The following TMEM132D variants were observed in gnomAD, a reference collection of about 807,000 sequenced individuals.
The protein encoded by TMEM132D is transmembrane protein 132D.
In TMEM132D, 21 loss-of-function variants were observed where a neutral mutation model predicts 62.3. That is an observed-to-expected ratio of 0.34 (90% CI 0.24 to 0.49). TMEM132D has a LOEUF of 0.49. Ranked by LOEUF, TMEM132D falls within the 20% of genes least tolerant of loss-of-function variation. The probability of loss-of-function intolerance (pLI) is 0.99; values close to 1 mark genes in which losing one functional copy is unlikely to be tolerated. For missense variants in TMEM132D, 1,346 were observed against 1,402.8 expected (o/e 0.96, Z 0.65); for synonymous variants, 621 against 575.6 (o/e 1.08, Z -1.13).
At chr12:129,703,893 A>G (rs1025002207) in intron 1 of TMEM132D, among the ~76,000 whole-genome samples, 5 of 151,220 alleles carry the variant, frequency 3.3e-5, no homozygotes, top group African/African-American at 1.2e-4. Context: ...TGTGGACTCA[A>G]AAGCAATAAC....
intron 2 of TMEM132D, among the ~76,000 whole-genome samples, chr12:129,636,737 T>TGTGTGTGTGTGTGTGAGAGA (rs375868329): frequency 0.018 from 2,060 of 113,324 alleles, 43 homozygotes; most frequent in East Asian, 0.037. Context: ...TGTGTGTGTG[T>TGTGTGTGTGTGTGTGAGAGA]GAGAGAGAGA....
intron 1 of TMEM132D, among the ~76,000 whole-genome samples, chr12:129,759,487 T>C (rs1247663303): frequency 6.6e-6 from 1 of 152,168 alleles, no homozygotes; most frequent in Non-Finnish European, 1.5e-5. Flanking sequence ...ATCAGGCACT[T>C]AGTCACCATG....
intron 2 of TMEM132D, among the ~76,000 whole-genome samples, chr12:129,666,744 T>G (rs1880387867): frequency 6.6e-6 from 1 of 152,178 alleles, no homozygotes. Flanking sequence ...ACTTATCAGG[T>G]TTTTCACTAA....
Position 129,903,418 on chromosome 12 carries a change from C to T in TMEM132D, c.-79G>A. 6.9e-7 allele frequency: 1 copy of T among 1,458,432 alleles called. No individual in the cohort carries two copies. The highest frequency in any genetic ancestry group is 2.5e-5 in the East Asian group (1 of 40,110). 90.3% of individuals were successfully genotyped at this position (1,458,432 alleles called of 1,614,324 possible). On this transcript the variant is annotated 5_prime_UTR_variant, in exon 1 of 9. Coordinates refer to ENST00000422113, the MANE Select transcript of TMEM132D (RefSeq NM_133448.3). This position sits in a 1 kb window ranked among gnomAD's most constrained non-coding sequence, Gnocchi z 6.2. ...AGAGACCGTCTCAGTCCCCTAGAGGCCCGCAGCGGGGCCGGTGGCGAGGGA... is the reference window on the plus strand; with the variant it reads ...AGAGACCGTCTCAGTCCCCTAGAGGTCCGCAGCGGGGCCGGTGGCGAGGGA...
chr12:129,624,930 A>G (rs1007256646), intron 2 of TMEM132D, among the ~76,000 whole-genome samples: 6 of 152,234 alleles, frequency 3.9e-5, no homozygotes, highest in Non-Finnish European at 7.3e-5. Flanking sequence ...TCCCCTCCAG[A>G]TGCCTCTGGG....
chr12:129,806,487 G>A (rs1222804126), intron 1 of TMEM132D, among the ~76,000 whole-genome samples: 1 of 135,942 alleles, frequency 7.4e-6, no homozygotes, highest in Non-Finnish European at 1.6e-5. Flanking sequence ...GGTGGGAATT[G>A]AACAATGAGA....
At chr12:129,715,592 AGGGT>A (rs377705770) in intron 1 of TMEM132D, among the ~76,000 whole-genome samples, 1 of 152,328 alleles carries the variant, frequency 6.6e-6, no homozygotes, top group East Asian at 1.9e-4. Flanking sequence ...CCACCTGTAC[AGGGT>A]GGGATCAACC....
intron 3 of TMEM132D, among the ~76,000 whole-genome samples, chr12:129,526,675 T>C (rs1231994647): frequency 6.6e-6 from 1 of 152,206 alleles, no homozygotes; most frequent in Non-Finnish European, 1.5e-5. Context: ...TATGGTTTGG[T>C]CATGTGATTA....
intron 2 of TMEM132D, among the ~76,000 whole-genome samples, chr12:129,640,217 A>G (rs117874879): frequency 1.4e-4 from 22 of 152,250 alleles, no homozygotes; most frequent in Non-Finnish European, 2.8e-4. Flanking sequence ...TGGTAAATAT[A>G]TTAGGTTCTC....
chr12:129,513,864 G>T (rs1230918058), intron 3 of TMEM132D, among the ~76,000 whole-genome samples: 1 of 144,712 alleles, frequency 6.9e-6, no homozygotes, highest in Non-Finnish European at 1.5e-5. Context: ...TTGAGACGGA[G>T]TCTCGCTCTG....
At chr12:129,133,449 A>G (rs1876439521) in intron 5 of TMEM132D, among the ~76,000 whole-genome samples, 1 of 152,268 alleles carries the variant, frequency 6.6e-6, no homozygotes, top group Admixed American at 6.5e-5. Context: ...GCAGCAATGC[A>G]GATGAACCTG....
At chr12:129,397,092 T>C (rs1871452421) in intron 3 of TMEM132D, among the ~76,000 whole-genome samples, 1 of 152,208 alleles carries the variant, frequency 6.6e-6, no homozygotes, top group Non-Finnish European at 1.5e-5. Flanking sequence ...ACCCCATTCT[T>C]AATCTCATAG....
At chr12:129,510,484 C>A (rs1044756008) in intron 3 of TMEM132D, among the ~76,000 whole-genome samples, 1 of 152,076 alleles carries the variant, frequency 6.6e-6, no homozygotes, top group Non-Finnish European at 1.5e-5. Context: ...TCCTATCTGT[C>A]CGTGTTTGCT....
In TMEM132D at chr12:129,768,857, A is replaced by G. The variant is rs1870639233; in HGVS notation, c.80-68159T>C. ...AGCATTCTTACATACATCAGGTGAT[A>G]CAGATATATCGTGGATTTTCAACGA... On this transcript the variant is annotated intron_variant, in intron 1 of 8. Transcript: ENST00000422113. Among the ~76,000 whole-genome samples the G allele has an allele frequency of 2.0e-5, 3 of 152,216 alleles. No homozygotes were observed. In the South Asian group the frequency reaches 6.2e-4, roughly 32 times the overall value.
intron 4 of TMEM132D, among the ~76,000 whole-genome samples, chr12:129,296,371 GCA>G (rs1364319601): frequency 1.3e-5 from 2 of 152,192 alleles, no homozygotes; most frequent in East Asian, 1.9e-4. Context: ...TTTAATATAA[GCA>G]CAGTGTTCTA....
At chr12:129,767,635 C>T (rs2084807) in intron 1 of TMEM132D, among the ~76,000 whole-genome samples, 144,097 of 152,222 alleles carry the variant, frequency 0.95, 68,485 homozygotes, top group Non-Finnish European at 1. Context: ...TAGCATAATG[C>T]CCTCCATGAT....
chr12:129,405,373 C>A (rs1871751130), intron 3 of TMEM132D, among the ~76,000 whole-genome samples: 2 of 152,160 alleles, frequency 1.3e-5, no homozygotes, highest in South Asian at 4.1e-4. Context: ...CAAAGGCCCT[C>A]ATCTCCAAAA....
chr12:129,507,479 G>A (rs1211848217), intron 3 of TMEM132D, among the ~76,000 whole-genome samples: 1 of 152,118 alleles, frequency 6.6e-6, no homozygotes, highest in South Asian at 2.1e-4. Context: ...ATCAATCAAC[G>A]AATGCATAAA....
intron 4 of TMEM132D, among the ~76,000 whole-genome samples, chr12:129,309,814 AGGAATCCTGAG>A (rs1396719359): frequency 6.6e-6 from 1 of 152,010 alleles, no homozygotes; most frequent in African/African-American, 2.4e-5. Flanking sequence ...CGGAAAATCG[AGGAATCCTGAG>A]GGAAAAAAGC....
Sources: gnomAD v4.1 joint callset for allele counts (sites outside exome capture counted in the v4.1 genomes callset) on GRCh38, gnomAD v4.1.1 for gene constraint, Gnocchi (gnomAD v3.1) non-coding constraint, MANE v1.5 for transcripts, NCBI Gene and HGNC (gene_info 2026-07-23, HGNC 2026-07-21) for gene names.